Variants in PHF24 observed in about 807,000 individuals in gnomAD.
The protein encoded by PHF24 is Galpha inhibitory interacting protein.
Under a neutral mutation model 42.6 loss-of-function variants are expected in PHF24, and 25 were observed. That is an observed-to-expected ratio of 0.59 (90% CI 0.43 to 0.82). PHF24 has a LOEUF of 0.82. PHF24 is among the 40% of genes least tolerant of loss of function. PHF24 has a pLI of 0.00. For synonymous variants in PHF24, 185 were observed against 204.8 expected (o/e 0.90, Z 0.83); for missense variants, 470 against 538.1 (o/e 0.87, Z 1.25).
At chr9:34,828,067 A>C in the PHF24 span, among the ~76,000 whole-genome samples, 1 of 151,818 alleles carries the variant, frequency 6.6e-6, no homozygotes, top group African/African-American at 2.4e-5. Flanking sequence ...TTTCCGTAGT[A>C]ACTTCCAGAA....
At chr9:34,807,623 A>G in the PHF24 span, among the ~76,000 whole-genome samples, 3 of 152,208 alleles carry the variant, frequency 2.0e-5, no homozygotes, top group Admixed American at 2.0e-4. Context: ...ATAACCACTG[A>G]GAGAGTCTTT....
the PHF24 span, among the ~76,000 whole-genome samples, chr9:34,765,209 A>G: frequency 3.9e-5 from 6 of 152,134 alleles, no homozygotes; most frequent in Non-Finnish European, 7.3e-5. Flanking sequence ...GTAGATGTCT[A>G]TTAAGTCCGC....
the PHF24 span, among the ~76,000 whole-genome samples, chr9:34,937,088 G>A: frequency 1.7e-5 from 2 of 116,138 alleles, no homozygotes; most frequent in Non-Finnish European, 3.7e-5. Flanking sequence ...CCTCTGCCCC[G>A]GCCGCCCCTA....
chr9:34,886,216 A>G, the PHF24 span, among the ~76,000 whole-genome samples: 4 of 149,254 alleles, frequency 2.7e-5, no homozygotes, highest in Middle Eastern at 3.4e-3. Context: ...GATCTTTTCT[A>G]TCACCATCCA....
chr9:34,890,681 T>G, the PHF24 span, among the ~76,000 whole-genome samples: 667 of 152,350 alleles, frequency 4.4e-3, 7 homozygotes, highest in African/African-American at 0.016. Context: ...AAAGGATCCC[T>G]GTGTGGAGAT....
At chr9:34,770,828 T>C in the PHF24 span, among the ~76,000 whole-genome samples, 12 of 150,018 alleles carry the variant, frequency 8.0e-5, no homozygotes, top group Non-Finnish European at 1.5e-4. Flanking sequence ...TTAAAATTTA[T>C]TGTGGCCGGG....
chr9:34,781,596 A>G, the PHF24 span, among the ~76,000 whole-genome samples: 1 of 152,208 alleles, frequency 6.6e-6, no homozygotes, highest in Non-Finnish European at 1.5e-5. Flanking sequence ...TTAAAATGGC[A>G]CATTTTATGT....
chr9:34,844,386 G>T, the PHF24 span, among the ~76,000 whole-genome samples: 8 of 151,940 alleles, frequency 5.3e-5, no homozygotes, highest in Non-Finnish European at 1.2e-4. Flanking sequence ...ACATTAGGTT[G>T]CTTGAGATCT....
At chr9:34,882,791 A>C in the PHF24 span, among the ~76,000 whole-genome samples, 2 of 152,320 alleles carry the variant, frequency 1.3e-5, no homozygotes, top group South Asian at 4.1e-4. Context: ...ATACTGCCCA[A>C]GGTAATTTAT....
At chr9:34,750,267 G>A in the PHF24 span, among the ~76,000 whole-genome samples, 1 of 152,056 alleles carries the variant, frequency 6.6e-6, no homozygotes, top group African/African-American at 2.4e-5. Context: ...GCAGGGTATT[G>A]GTGGATCACT....
the PHF24 span, among the ~76,000 whole-genome samples, chr9:34,772,085 T>C: frequency 1.6e-3 from 247 of 152,316 alleles, 1 homozygote; most frequent in Non-Finnish European, 2.8e-3. Flanking sequence ...AGGTTTCAGC[T>C]CAGGTTTCAG....
At chr9:34,917,191 G>A in the PHF24 span, 1 of 1,453,152 alleles carries the variant, frequency 6.9e-7, no homozygotes, top group Non-Finnish European at 9.6e-7. Context: ...ACCTCAGCAT[G>A]TTCCCACTTA....
At chr9:34,844,919 G>A in the PHF24 span, among the ~76,000 whole-genome samples, 5 of 152,202 alleles carry the variant, frequency 3.3e-5, no homozygotes, top group South Asian at 8.3e-4. Context: ...TGAAAGTGGG[G>A]TATGAAGTCC....
At chr9:34,781,813 T>C in the PHF24 span, among the ~76,000 whole-genome samples, 1 of 152,162 alleles carries the variant, frequency 6.6e-6, no homozygotes, top group Admixed American at 6.5e-5. Context: ...CAACAATGCA[T>C]GTGCCAGTGA....
the PHF24 span, among the ~76,000 whole-genome samples, chr9:34,753,065 A>G: frequency 4.6e-5 from 7 of 152,296 alleles, no homozygotes; most frequent in Admixed American, 4.6e-4. Flanking sequence ...ACAAAACCAC[A>G]GCTAGTATCA....
intron 3 of PHF24, among the ~76,000 whole-genome samples, chr9:34,974,442 T>C (rs1022940115): frequency 7.2e-5 from 11 of 152,178 alleles, no homozygotes; most frequent in African/African-American, 2.7e-4. Context: ...TGAGAGAAAA[T>C]AGAAAGTCAA....
the PHF24 span, among the ~76,000 whole-genome samples, chr9:34,765,808 C>T: frequency 1.3e-5 from 2 of 152,170 alleles, no homozygotes; most frequent in African/African-American, 4.8e-5. Context: ...ATGGTCTTTA[C>T]AATTTGGCAT....
chr9:34,849,057 C>T, the PHF24 span, among the ~76,000 whole-genome samples: 1 of 152,124 alleles, frequency 6.6e-6, no homozygotes, highest in Non-Finnish European at 1.5e-5. Flanking sequence ...CAGTGTGATG[C>T]TGAAAAAATT....
intron 1 of PHF24, among the ~76,000 whole-genome samples, chr9:34,968,357 A>G (rs1826852612): frequency 6.6e-6 from 1 of 152,210 alleles, no homozygotes; most frequent in Admixed American, 6.5e-5. Context: ...TTAGTTGTCC[A>G]CTGAGGCATG....
Sources: allele counts gnomAD v4.1 joint callset (sites outside exome capture counted in the v4.1 genomes callset), GRCh38; gene constraint gnomAD v4.1.1; transcripts MANE v1.5; gene names NCBI Gene and HGNC (gene_info 2026-07-23, HGNC 2026-07-21).